Variants in STON2 observed in about 807,000 individuals in gnomAD.
STON2 encodes stonin-2.
Under a neutral mutation model 65.7 loss-of-function variants are expected in STON2, and 29 were observed. That is an observed-to-expected ratio of 0.44 (90% CI 0.33 to 0.60). The LOEUF is 0.60. STON2 is among the 20% of genes least tolerant of loss of function. The pLI is 0.03. For synonymous variants in STON2, 404 were observed against 414.2 expected, an observed-to-expected ratio of 0.98 and a Z score of 0.30; for missense variants, 1,054 against 1,118.1, an observed-to-expected ratio of 0.94 and a Z score of 0.82.
At chr14:81,426,839 G>A (rs145327029) in intron 2 of STON2, among the ~76,000 whole-genome samples, 1,965 of 152,222 alleles carry the variant, frequency 0.013, 26 homozygotes, top group South Asian at 0.043. Context: ...ATAACTCACC[G>A]TGAGTACCTT....
At chr14:81,291,234 T>C (rs763772817) in intron 5 of STON2, among the ~76,000 whole-genome samples, 1 of 148,638 alleles carries the variant, frequency 6.7e-6, no homozygotes, top group Non-Finnish European at 1.5e-5. Flanking sequence ...ACAAGGGATA[T>C]GAAAGTCCGT....
At chr14:81,434,703 G>A (rs192986040) in intron 1 of STON2, among the ~76,000 whole-genome samples, 1 of 152,222 alleles carries the variant, frequency 6.6e-6, no homozygotes, top group Admixed American at 6.5e-5. Flanking sequence ...CACAGTAGGA[G>A]GCAATTGAGC....
chr14:81,416,044 T>A (rs1901415215), intron 2 of STON2, among the ~76,000 whole-genome samples: 1 of 152,126 alleles, frequency 6.6e-6, no homozygotes, highest in East Asian at 1.9e-4. Flanking sequence ...CTTAGGAGGA[T>A]GCCTAGCATA....
chr14:81,261,551 G>C lies in STON2; in HGVS notation c.*6863C>G, dbSNP rs143221919. ...TAAGAGACAACGAGGATACAGAGGG[G>C]ACTGTCCCTTTTCTCTCATCTGGTT... On this transcript the variant is annotated 3_prime_UTR_variant, in exon 8 of 8. Coordinates refer to ENST00000614646, the MANE Select transcript of STON2 (RefSeq NM_001394390.1). The C allele has an allele frequency of 1.1e-5, 4 of 380,694 alleles. No individual in the cohort carries two copies. The highest frequency in any genetic ancestry group is 1.2e-4 in the South Asian group (1 of 8,090). The allele number at this position is 380,694 out of a possible 1,614,324, so 23.6% of individuals were successfully genotyped here.
At chr14:81,402,081 A>G (rs1900636400), upstream of STON2, among the ~76,000 whole-genome samples, 1 of 152,202 alleles carries the variant, frequency 6.6e-6, no homozygotes, top group African/African-American at 2.4e-5. Flanking sequence ...TACTGGGGGA[A>G]TATGGAGTGA....
Position 81,277,346 on chromosome 14 carries a change from A to G in STON2, c.2136T>C (p.Val712=). 1.2e-6 allele frequency: 2 copies of G among 1,614,176 alleles called. No individual in the cohort carries two copies. Among genetic ancestry groups the G allele is most frequent in the Non-Finnish European group, 1.7e-6 (2 of 1,180,030 alleles). The change falls in exon 6 of 8, where the codon GTT becomes GTC. Residue 712 remains valine, a synonymous_variant. Transcript: ENST00000614646. The part of the protein sequence containing the change: ...CRFHGCVDED[V]FHNSRVILFN... ...ACAGAATGACCCGTGAGTTGTGGAA[A>G]ACATCCTCATCCACACACCCATGGA...
chr14:81,270,142 C>G lies in STON2; in HGVS notation c.2784+528G>C, dbSNP rs1045011163. The stretch of plus-strand genomic sequence containing the variant: ...TCGCTCTGTCACTCAGGCTGGAGTA[C>G]AGTGGTGCAATCATGGCTCACTGCA... On this transcript the variant is annotated intron_variant, in intron 7 of 7. Coordinates refer to ENST00000614646, the MANE Select transcript of STON2 (RefSeq NM_001394390.1). 16 of 703,882 alleles carry G rather than the reference C, an allele frequency of 2.3e-5. No homozygotes were observed. In the African/African-American group the frequency reaches 3.1e-4, roughly 14 times the overall value. 43.6% of individuals were successfully genotyped at this position (703,882 alleles called of 1,614,324 possible). A position where few individuals can be genotyped will look rare whatever the true frequency, so the allele number is the denominator to read the frequency against.
At chr14:81,432,187 A>C (rs1902251978) in intron 1 of STON2, among the ~76,000 whole-genome samples, 1 of 151,132 alleles carries the variant, frequency 6.6e-6, no homozygotes, top group East Asian at 1.9e-4. Flanking sequence ...AAACCATAGC[A>C]AAAAAAAAGA....
chr14:81,325,088 C>T (rs528525389), intron 4 of STON2, among the ~76,000 whole-genome samples: 1 of 152,174 alleles, frequency 6.6e-6, no homozygotes, highest in Non-Finnish European at 1.5e-5. Flanking sequence ...GAACCCAAGA[C>T]CTGGTATCCT....
At position 81,325,760 on chromosome 14, in the gene STON2, G is replaced by A. The variant is rs73337801; in HGVS notation, c.572-1573C>T. Among the ~76,000 whole-genome samples, 1,459 of 152,274 alleles carry A rather than the reference G, an allele frequency of 9.6e-3. 32 individuals are homozygous for A. Among genetic ancestry groups the A allele is most frequent in the African/African-American group, 0.033 (1,376 of 41,542 alleles). ...TATAGAATTGCTTGGGCAAGTTAGA[G>A]TCAAGAAAAGTAAAAGTTAGGTCTA... On this transcript the variant is annotated intron_variant, in intron 4 of 7. Coordinates refer to ENST00000614646, the MANE Select transcript of STON2 (RefSeq NM_001394390.1).
intron 3 of STON2, among the ~76,000 whole-genome samples, chr14:81,381,435 T>C (rs527583393): frequency 2.0e-5 from 3 of 152,236 alleles, no homozygotes; most frequent in Admixed American, 6.5e-5. Flanking sequence ...GTGCCACACA[T>C]TGAATGCACC....
chr14:81,269,371 G>T (rs17111638), intron 7 of STON2: 1 of 985,164 alleles, frequency 1.0e-6, no homozygotes, highest in African/African-American at 1.7e-5. Flanking sequence ...TTACAGTTCT[G>T]CAATATCTTC....
At chr14:81,328,734 G>A (rs1197606235) in intron 4 of STON2, among the ~76,000 whole-genome samples, 2 of 152,112 alleles carry the variant, frequency 1.3e-5, no homozygotes, top group African/African-American at 4.8e-5. Flanking sequence ...CCTCCCTGGG[G>A]AGGCAAGGGG....
chr14:81,424,052 C>T (rs1435908699), intron 2 of STON2, among the ~76,000 whole-genome samples: 4 of 152,224 alleles, frequency 2.6e-5, no homozygotes, highest in Admixed American at 6.5e-5. Context: ...CCACAGCTTG[C>T]AGGACAAAAG....
chr14:81,428,696 C>G (rs1258814827), intron 1 of STON2, among the ~76,000 whole-genome samples: 1 of 152,090 alleles, frequency 6.6e-6, no homozygotes, highest in African/African-American at 2.4e-5. Context: ...GCACTCCAGC[C>G]TGGGTGACAC....
At chr14:81,371,214 A>G in intron 3 of STON2, 29 bp from the exon 4 acceptor site, 1 of 1,596,282 alleles carries the variant, frequency 6.3e-7, no homozygotes, top group African/African-American at 1.3e-5. Context: ...CCAAAAGCAT[A>G]CAATATAAAT....
At chr14:81,311,349 C>G (rs1191071803) in intron 5 of STON2, among the ~76,000 whole-genome samples, 1 of 152,110 alleles carries the variant, frequency 6.6e-6, no homozygotes, top group African/African-American at 2.4e-5. Flanking sequence ...TCCTCCTACC[C>G]CAGCAGAACC....
chr14:81,359,872 AAAAC>A (rs758415232), intron 4 of STON2, among the ~76,000 whole-genome samples: 2 of 152,220 alleles, frequency 1.3e-5, no homozygotes, highest in Non-Finnish European at 2.9e-5. Flanking sequence ...CAGTGATTTA[AAAAC>A]AAACAAACAA....
chr14:81,332,201 A>T (rs1897240168), intron 4 of STON2, among the ~76,000 whole-genome samples: 1 of 152,192 alleles, frequency 6.6e-6, no homozygotes, highest in Admixed American at 6.5e-5. Flanking sequence ...TTCGGGCCAG[A>T]TCTTCCATGG....
Sources: allele counts gnomAD v4.1 joint callset (sites outside exome capture counted in the v4.1 genomes callset), GRCh38; gene constraint gnomAD v4.1.1; transcripts MANE v1.5; gene names NCBI Gene and HGNC (gene_info 2026-07-23, HGNC 2026-07-21).